Variants in ADCY9 observed in about 807,000 individuals in gnomAD.
ADCY9 encodes the protein adenylate cyclase type 9.
Under a neutral mutation model 101.5 loss-of-function variants are expected in ADCY9, and 50 were observed. That is an observed-to-expected ratio of 0.49 (90% CI 0.39 to 0.62). The LOEUF is 0.62. ADCY9 is among the 20% of genes least tolerant of loss of function. ADCY9 has a pLI of 0.00. For synonymous variants in ADCY9, 905 were observed against 769.3 expected (o/e 1.18, Z -2.92); for missense variants, 1,662 against 1,800.4 (o/e 0.92, Z 1.39).
At chr16:4,101,691 C>A (rs1036240837) in intron 2 of ADCY9, among the ~76,000 whole-genome samples, 7 of 152,162 alleles carry the variant, frequency 4.6e-5, no homozygotes, top group Admixed American at 3.9e-4. Flanking sequence ...ATGGTAGGAA[C>A]CCATTCAATA....
chr16:4,051,522 T>TAAA (rs537295838), intron 2 of ADCY9, among the ~76,000 whole-genome samples: 1 of 122,276 alleles, frequency 8.2e-6, no homozygotes, highest in Non-Finnish European at 1.7e-5. Flanking sequence ...AGACTCCATC[T>TAAA]AAAAAAAAAA....
At chr16:4,002,967 C>T (rs1008052060) in intron 3 of ADCY9, among the ~76,000 whole-genome samples, 5 of 152,150 alleles carry the variant, frequency 3.3e-5, no homozygotes, top group African/African-American at 1.2e-4. Context: ...CTCTCTGCCT[C>T]GGCCTCCCAA....
At chr16:4,108,235 T>A (rs1402069661) in intron 2 of ADCY9, among the ~76,000 whole-genome samples, 2 of 151,974 alleles carry the variant, frequency 1.3e-5, no homozygotes, top group African/African-American at 2.4e-5. Context: ...CAGCTCGAGA[T>A]AACACGTCTC....
In ADCY9 at chr16:3,966,630, C is replaced by T; in HGVS notation, c.3207G>A (p.Glu1069=). ...CGCCCTCGTAGTTCTCCTCGTAGAACTCGCTGAAGTTGACGATGCTGGCGA... is the reference window on the plus strand; with the variant it reads ...CGCCCTCGTAGTTCTCCTCGTAGAATTCGCTGAAGTTGACGATGCTGGCGA... ...VIFASIVNFS[E]FYEENYEGGK... is the part of the protein sequence containing the mutation. Residue 1069 remains glutamate, a synonymous_variant, in exon 11 of 11, where the codon GAG becomes GAA. Coordinates refer to ENST00000294016, the MANE Select transcript of ADCY9 (RefSeq NM_001116.4). 1 of 1,614,174 alleles carries T rather than the reference C, an allele frequency of 6.2e-7. No homozygotes were observed. The highest frequency in any genetic ancestry group is 8.5e-7 in the Non-Finnish European group (1 of 1,180,038).
chr16:4,103,020 G>A (rs1241955303), intron 2 of ADCY9, among the ~76,000 whole-genome samples: 2 of 152,176 alleles, frequency 1.3e-5, no homozygotes, highest in Non-Finnish European at 2.9e-5. Flanking sequence ...TGGCCAGCTC[G>A]AAGTTGATGG....
chr16:4,058,419 C>A (rs1427630478), intron 2 of ADCY9, among the ~76,000 whole-genome samples: 1 of 150,730 alleles, frequency 6.6e-6, no homozygotes, highest in Admixed American at 6.6e-5. Flanking sequence ...GAGCCAAGAT[C>A]GCCCCACTGC....
At position 4,052,756 on chromosome 16, in the gene ADCY9, T is replaced by A. The variant is rs968137977; in HGVS notation, c.1694-45198A>T. Among the ~76,000 whole-genome samples, 3 of 152,308 alleles carry A rather than the reference T, an allele frequency of 2.0e-5. No individual in the cohort carries two copies. The East Asian group carries it at 5.8e-4, about 29-fold the overall frequency. Reference sequence around the variant, plus strand: ...GTACAGTAGCCCTAGGAAATAAATATGCTACTCAAAGAATATTGAATGTGG... The same window carrying A: ...GTACAGTAGCCCTAGGAAATAAATAAGCTACTCAAAGAATATTGAATGTGG... On this transcript the variant is annotated intron_variant, in intron 2 of 10. Coordinates refer to ENST00000294016, the MANE Select transcript of ADCY9 (RefSeq NM_001116.4).
intron 2 of ADCY9, among the ~76,000 whole-genome samples, chr16:4,027,268 G>C (rs374761783): frequency 6.6e-6 from 1 of 152,150 alleles, no homozygotes; most frequent in Non-Finnish European, 1.5e-5. Context: ...TCGTTTTCTC[G>C]TTGCTTTCTT....
intron 3 of ADCY9, among the ~76,000 whole-genome samples, chr16:4,001,553 C>G (rs543751770): frequency 1.3e-5 from 2 of 152,016 alleles, no homozygotes; most frequent in East Asian, 1.9e-4. Flanking sequence ...CCCCGCCCCC[C>G]ACCTTTCTTT....
intron 2 of ADCY9, among the ~76,000 whole-genome samples, chr16:4,107,933 C>T (rs1422480143): frequency 6.6e-6 from 1 of 152,168 alleles, no homozygotes; most frequent in Non-Finnish European, 1.5e-5. Flanking sequence ...CAGAGGTGGC[C>T]AACAGGTGAC....
rs138334865 is a variant in ADCY9 at position 3,968,877 on chromosome 16, G to A, written c.2871-1911C>T. Among the ~76,000 whole-genome samples the A allele has an allele frequency of 6.7e-3, 1,009 of 151,418 alleles. 11 individuals carry two copies. Among genetic ancestry groups the A allele is most frequent in the African/African-American group, 0.023 (930 of 41,192 alleles). ...TTTCTTTTTTTTGAGAAGGAGTCTC[G>A]CTTTGTTGCCCAGGTTAAAGTGCAG... On this transcript the variant is annotated intron_variant, in intron 10 of 10. Transcript: ENST00000294016.
intron 2 of ADCY9, among the ~76,000 whole-genome samples, chr16:4,026,536 T>A (rs777526404): frequency 5.3e-5 from 8 of 152,090 alleles, no homozygotes; most frequent in Non-Finnish European, 1.0e-4. Flanking sequence ...AAAAACGCTG[T>A]ACGCAAATGT....
At chr16:3,961,814 C>T (rs2055940492), downstream of ADCY9, among the ~76,000 whole-genome samples, 1 of 152,154 alleles carries the variant, frequency 6.6e-6, no homozygotes, top group South Asian at 2.1e-4. Context: ...TCACTTGAGG[C>T]CAGGAGTTCG....
chr16:3,965,506 C>T lies in ADCY9; in HGVS notation c.*269G>A, dbSNP rs72760892. ...CGGCCTCTGTCCCGAGACTCGAGGCCGAGGCCAGCCCTGAAGGCACTTGTT... is the reference window on the plus strand; with the variant it reads ...CGGCCTCTGTCCCGAGACTCGAGGCTGAGGCCAGCCCTGAAGGCACTTGTT... On this transcript the variant is annotated 3_prime_UTR_variant, in exon 11 of 11. Transcript: ENST00000294016. 25,456 of 494,288 alleles carry T rather than the reference C, an allele frequency of 0.052. 880 individuals are homozygous for T. The highest frequency in any genetic ancestry group is 0.093 in the Admixed American group (2,506 of 26,930). 30.6% of individuals were successfully genotyped at this position (494,288 alleles called of 1,614,324 possible). A position where few individuals can be genotyped will look rare whatever the true frequency, so the allele number is the denominator to read the frequency against.
At chr16:4,024,371 T>G (rs2056499443) in intron 2 of ADCY9, among the ~76,000 whole-genome samples, 1 of 152,188 alleles carries the variant, frequency 6.6e-6, no homozygotes, top group Non-Finnish European at 1.5e-5. Flanking sequence ...ATAGGAAAGT[T>G]ACATATACGG....
intron 2 of ADCY9, among the ~76,000 whole-genome samples, chr16:4,099,291 G>A (rs1170202912): frequency 6.6e-6 from 1 of 152,048 alleles, no homozygotes; most frequent in Non-Finnish European, 1.5e-5. Flanking sequence ...CCCTCAACAG[G>A]CATTAGTGGG....
chr16:3,988,616 C>T (rs2056217385), intron 6 of ADCY9, among the ~76,000 whole-genome samples: 1 of 90,240 alleles, frequency 1.1e-5, no homozygotes, highest in African/African-American at 4.6e-5. Flanking sequence ...GTTCCTTTAC[C>T]AGGGCAGGTG....
chr16:4,043,567 G>A (rs918082159), intron 2 of ADCY9, among the ~76,000 whole-genome samples: 5 of 151,312 alleles, frequency 3.3e-5, no homozygotes, highest in South Asian at 2.1e-4. Context: ...TCAGCTGCCC[G>A]TAATCTCATC....
rs376533145 is a variant in ADCY9 at position 4,065,061 on chromosome 16, GCTTCAAT to G, written c.1693+48682_1693+48688del. Among the ~76,000 whole-genome samples, 53 of 152,262 alleles carry G rather than the reference GCTTCAAT, an allele frequency of 3.5e-4. 2 individuals are homozygous for G. In the East Asian group the frequency reaches 0.01, roughly 29 times the overall value. ...ATGCCTGTAGTACGTCCATCACCAG[GCTTCAAT>G]TTATAGCAGCTACATGACTGCGTGT... On this transcript the variant is annotated intron_variant, in intron 2 of 10. Coordinates refer to ENST00000294016, the MANE Select transcript of ADCY9 (RefSeq NM_001116.4).
Sources: gnomAD v4.1 joint callset for allele counts (sites outside exome capture counted in the v4.1 genomes callset) on GRCh38, gnomAD v4.1.1 for gene constraint, MANE v1.5 for transcripts, NCBI Gene and HGNC (gene_info 2026-07-23, HGNC 2026-07-21) for gene names.